The following SLC22A23 variants were observed in gnomAD, a reference collection of about 807,000 sequenced individuals.
SLC22A23 encodes solute carrier family 22 member 23, also known as ion transporter protein.
A neutral mutation model predicts 61.0 loss-of-function variants in SLC22A23; 26 were observed. That is an observed-to-expected ratio of 0.43 (90% CI 0.31 to 0.59). The LOEUF is 0.59. Among genes scored for constraint, SLC22A23 ranks in the 20% least tolerant of loss-of-function variants. The pLI is 0.11. For missense variants in SLC22A23, 796 were observed against 934.7 expected (o/e 0.85, Z 1.94); for synonymous variants, 430 against 413.9 (o/e 1.04, Z -0.47).
chr6:3,426,857 T>C (rs1451380031), intron 1 of SLC22A23, among the ~76,000 whole-genome samples: 1 of 152,206 alleles, frequency 6.6e-6, no homozygotes, highest in African/African-American at 2.4e-5. Context: ...CTGTAGTAGG[T>C]GTGACTGCTG....
rs1014753165 is a variant in SLC22A23, at chr6:3,427,676, C to T, written c.655-11821G>A. Among the ~76,000 whole-genome samples the T allele has an allele frequency of 6.6e-6, 1 of 151,990 alleles. No homozygotes were observed. Among genetic ancestry groups the T allele is most frequent in the Non-Finnish European group, 1.5e-5 (1 of 68,010 alleles). On this transcript the variant is annotated intron_variant, in intron 1 of 9. Coordinates refer to ENST00000406686, the MANE Select transcript of SLC22A23 (RefSeq NM_015482.2). The surrounding 1 kb of genome is among the most constrained non-coding windows in gnomAD (Gnocchi z 4.3). ...AGCATCCTGGGAACAGCAACAGCTT[C>T]GTTTCCAACACTTCCTGCAATCATT...
At chr6:3,306,464 T>C (rs1761981577) in intron 4 of SLC22A23, among the ~76,000 whole-genome samples, 1 of 152,234 alleles carries the variant, frequency 6.6e-6, no homozygotes. Context: ...TATGTGGTGG[T>C]ACTATCATTA....
At chr6:3,313,224 T>C (rs1234549765) in intron 4 of SLC22A23, 1 of 152,198 alleles carries the variant, frequency 6.6e-6, no homozygotes, top group African/African-American at 2.4e-5. Context: ...AACATTTGAA[T>C]CTCACTTTTA....
At chr6:3,448,760 C>T (rs1351008109) in intron 1 of SLC22A23, among the ~76,000 whole-genome samples, 2 of 152,208 alleles carry the variant, frequency 1.3e-5, no homozygotes, top group African/African-American at 2.4e-5. Flanking sequence ...TCCCAAAGTG[C>T]TGGGATTACA....
chr6:3,280,383 C>T lies in SLC22A23; in HGVS notation c.1703+3469G>A, dbSNP rs532601774. On this transcript the variant is annotated intron_variant, in intron 9 of 9. Transcript: ENST00000406686. The stretch of plus-strand genomic sequence containing the variant: ...TCAGCACCCTCCCCTCATCCTGCCC[C>T]GCTGCTCATCGCTCGCACGCCACAG... Among the ~76,000 whole-genome samples, 37 of 152,308 alleles carry T rather than the reference C, an allele frequency of 2.4e-4. 1 individual carries two copies. The highest frequency in any genetic ancestry group is 8.7e-4 in the African/African-American group (36 of 41,564).
intron 9 of SLC22A23, among the ~76,000 whole-genome samples, chr6:3,280,837 ACT>A (rs1759408983): frequency 6.6e-6 from 1 of 151,810 alleles, no homozygotes; most frequent in African/African-American, 2.4e-5. Flanking sequence ...AGACTCTGAT[ACT>A]CCCTTAACCC....
rs1758601224 is a variant in SLC22A23 at position 3,273,341 on chromosome 6, T to G, written c.1775A>C (p.His592Pro). 6.2e-7 allele frequency: 1 copy of G among 1,613,838 alleles called. No homozygotes were observed. Among genetic ancestry groups the G allele is most frequent in the South Asian group, 1.1e-5 (1 of 91,088 alleles). ...GTGCAGGAAGTAGCCTTTCTGGTTG[T>G]GCAGCTCGATGATGGGTGCCGTCAG... is the stretch of plus-strand genomic sequence containing the variant. ...GMLTAPIIEL[H>P]NQKGYFLHHI... The change falls in exon 10 of 10, where the codon CAC becomes CCC. Residue 592 changes from histidine to proline, a missense_variant. Transcript: ENST00000406686.
chr6:3,415,811 C>T lies in SLC22A23; in HGVS notation c.699G>A (p.Lys233=), dbSNP rs751425623. 8.4e-6 allele frequency: 13 copies of T among 1,552,184 alleles called. No individual in the cohort carries two copies. Among genetic ancestry groups the T allele is most frequent in the Non-Finnish European group, 7.8e-6 (9 of 1,147,060 alleles). ...CDNAWKVHIA[K]FSLLVGLIFG... ...AGATTAATCCAACCAGTAAGGAGAA[C>T]TTAGCGATATGGACCTTCCAGGCAT... is the stretch of plus-strand genomic sequence containing the variant. Residue 233 remains lysine, a synonymous_variant, in exon 2 of 10, where the codon AAG becomes AAA. Coordinates refer to ENST00000406686, the MANE Select transcript of SLC22A23 (RefSeq NM_015482.2).
At chr6:3,358,495 C>T (rs1285754968) in intron 3 of SLC22A23, among the ~76,000 whole-genome samples, 1 of 152,044 alleles carries the variant, frequency 6.6e-6, no homozygotes, top group Non-Finnish European at 1.5e-5. Context: ...CTACATGATT[C>T]CACTTACATG....
intron 1 of SLC22A23, chr6:3,432,330 T>C (rs942165196): frequency 7.1e-6 from 7 of 985,372 alleles, no homozygotes; most frequent in African/African-American, 5.2e-5. Flanking sequence ...TGTGAGACTT[T>C]GAAGAAGCCT....
intron 3 of SLC22A23, among the ~76,000 whole-genome samples, chr6:3,351,631 G>A (rs546957586): frequency 8.4e-4 from 114 of 135,706 alleles, no homozygotes; most frequent in African/African-American, 2.6e-3. Flanking sequence ...CTCTCCCCTC[G>A]ACCTTTCCTG....
chr6:3,283,896 G>C lies in SLC22A23; in HGVS notation c.1659C>G (p.Ser553Arg). The C allele has an allele frequency of 6.2e-7, 1 of 1,612,872 alleles. No homozygotes were observed. Among genetic ancestry groups the C allele is most frequent in the Non-Finnish European group, 8.5e-7 (1 of 1,179,042 alleles). Reference sequence around the variant, plus strand: ...TCTCCGCACAGAAGAACACGCTGAGGCTCCCCACCGCATGGGAGGCAAACA... The same window carrying C: ...TCTCCGCACAGAAGAACACGCTGAGCCTCCCCACCGCATGGGAGGCAAACA... ...VGMFASHAVG[S>R]LSVFFCAEIT... is the part of the protein sequence containing the mutation. Residue 553 changes from serine (S) to arginine (R), a missense_variant, in exon 9 of 10, where the codon AGC becomes AGG. Coordinates refer to ENST00000406686, the MANE Select transcript of SLC22A23 (RefSeq NM_015482.2).
chr6:3,311,271 G>A (rs1762353838), intron 4 of SLC22A23, among the ~76,000 whole-genome samples: 1 of 152,206 alleles, frequency 6.6e-6, no homozygotes, highest in South Asian at 2.1e-4. Flanking sequence ...GTGGAGATAA[G>A]GTTTCCCTGA....
chr6:3,306,334 T>A (rs1761973668), intron 4 of SLC22A23, among the ~76,000 whole-genome samples: 1 of 152,152 alleles, frequency 6.6e-6, no homozygotes, highest in African/African-American at 2.4e-5. Context: ...AAGGGACTCA[T>A]GTGCAAACTC....
chr6:3,442,113 G>A (rs1048486944), intron 1 of SLC22A23, among the ~76,000 whole-genome samples: 3 of 152,324 alleles, frequency 2.0e-5, no homozygotes, highest in East Asian at 1.9e-4. Flanking sequence ...GGCAGGAAAC[G>A]CTCACACACG....
At chr6:3,346,758 A>G (rs1764461662) in intron 3 of SLC22A23, among the ~76,000 whole-genome samples, 1 of 152,202 alleles carries the variant, frequency 6.6e-6, no homozygotes, top group South Asian at 2.1e-4. Context: ...GTTCCCTGTC[A>G]TGCCTTTGCT....
rs1210868934 is a variant in SLC22A23, at chr6:3,329,806, C to T, written c.914-5804G>A. On this transcript the variant is annotated intron_variant, in intron 3 of 9. Transcript: ENST00000406686. The surrounding 1 kb of genome is among the most constrained non-coding windows in gnomAD (Gnocchi z 4.8). ...ACATGAGGCCACCCTGCTAAGCTGCCCCGGGCACTCTGCAGGCCCAAGGCC... is the reference window on the plus strand; with the variant it reads ...ACATGAGGCCACCCTGCTAAGCTGCTCCGGGCACTCTGCAGGCCCAAGGCC... Among the ~76,000 whole-genome samples, 5 of 152,190 alleles carry T rather than the reference C, an allele frequency of 3.3e-5. No homozygotes were observed. The highest frequency in any genetic ancestry group is 5.9e-5 in the Non-Finnish European group (4 of 68,026).
At position 3,446,557 on chromosome 6, in the gene SLC22A23, G is replaced by A. The variant is rs368912692; in HGVS notation, c.654+9349C>T. 3.3e-3 allele frequency among the ~76,000 whole-genome samples: 506 copies of A among 152,286 alleles called. 2 individuals carry two copies. Among genetic ancestry groups the A allele is most frequent in the African/African-American group, 0.012 (485 of 41,560 alleles). ...AATGGCAGAACACGCCAAAGGCCCC[G>A]AGTTTTCTATCGACAGCCCTGGGAA... On this transcript the variant is annotated intron_variant, in intron 1 of 9. Transcript: ENST00000406686.
At position 3,317,400 on chromosome 6, in the gene SLC22A23, T is replaced by C. The variant is rs1392073746; in HGVS notation, c.1082+6434A>G. Among the ~76,000 whole-genome samples, 1 of 152,180 alleles carries C rather than the reference T, an allele frequency of 6.6e-6. No individual in the cohort carries two copies. The highest frequency in any genetic ancestry group is 2.4e-5 in the African/African-American group (1 of 41,434). Reference sequence around the variant, plus strand: ...GCAGCAGCTCTTGCACCCAGCTCCCTCTTCCATTCTGGCACCTCCTGCCAC... The same window carrying C: ...GCAGCAGCTCTTGCACCCAGCTCCCCCTTCCATTCTGGCACCTCCTGCCAC... On this transcript the variant is annotated intron_variant, in intron 4 of 9. Transcript: ENST00000406686. The surrounding 1 kb of genome is among the most constrained non-coding windows in gnomAD (Gnocchi z 4.4).
Sources: allele counts gnomAD v4.1 joint callset (sites outside exome capture counted in the v4.1 genomes callset), GRCh38; gene constraint gnomAD v4.1.1; non-coding constraint Gnocchi (gnomAD v3.1); transcripts MANE v1.5; gene names NCBI Gene and HGNC (gene_info 2026-07-23, HGNC 2026-07-21).